The following CCDC150 variants were observed in gnomAD, a reference collection of about 807,000 sequenced individuals.
CCDC150 encodes coiled-coil domain-containing protein 150.
A neutral mutation model predicts 156.5 loss-of-function variants in CCDC150; 151 were observed. The ratio of observed to expected loss-of-function variants is 0.97; its 90% CI spans 0.85 to 1.10. The LOEUF is 1.10. CCDC150 is among the 50% of genes least tolerant of loss of function. The pLI is 0.00. For missense variants in CCDC150, 1,312 were observed against 1,268.1 expected, an observed-to-expected ratio of 1.03 and a Z score of -0.53; for synonymous variants, 452 against 429.4, an observed-to-expected ratio of 1.05 and a Z score of -0.65.
intron 19 of CCDC150, chr2:196,720,290 T>C (rs1234683616): frequency 5.3e-6 from 2 of 379,118 alleles, no homozygotes; most frequent in Non-Finnish European, 1.0e-5. Flanking sequence ...TTTTACATAG[T>C]ATGAAAGTAT....
intron 13 of CCDC150, among the ~76,000 whole-genome samples, chr2:196,683,689 T>C (rs1346639304): frequency 1.3e-5 from 2 of 152,082 alleles, no homozygotes; most frequent in South Asian, 2.1e-4. Flanking sequence ...TTATTATTTT[T>C]ATTCTTATAG....
intron 13 of CCDC150, among the ~76,000 whole-genome samples, chr2:196,689,318 C>A (rs979852379): frequency 6.6e-6 from 1 of 152,066 alleles, no homozygotes; most frequent in Non-Finnish European, 1.5e-5. Flanking sequence ...GGCATTGAAT[C>A]TGTAAATTAC....
chr2:196,677,383 G>C lies in CCDC150; in HGVS notation c.1509+22G>C, dbSNP rs1694576148. 4 of 1,418,480 alleles carry C rather than the reference G, an allele frequency of 2.8e-6. No homozygotes were observed. In the East Asian group the frequency reaches 7.4e-5, roughly 26 times the overall value. The allele number at this position is 1,418,480 out of a possible 1,614,324, so 87.9% of individuals were successfully genotyped here. On this transcript the variant is annotated intron_variant, in intron 13 of 27. Transcript: ENST00000389175. ...CAAGGTATTCTTCATTTTACTTACT[G>C]ATATTTCACTATATTTCCTTCTGTA... is the stretch of plus-strand genomic sequence containing the variant.
At chr2:196,648,995 A>G (rs1191437572) in intron 2 of CCDC150, among the ~76,000 whole-genome samples, 2 of 152,116 alleles carry the variant, frequency 1.3e-5, no homozygotes, top group Non-Finnish European at 2.9e-5. Flanking sequence ...TCATTGGACA[A>G]TGTGTCTTTT....
At chr2:196,674,461 A>C (rs1694377642) in intron 10 of CCDC150, 113 bp downstream of exon 10, 2 of 659,394 alleles carry the variant, frequency 3.0e-6, no homozygotes, top group East Asian at 5.5e-5. Flanking sequence ...CAAAAAATCT[A>C]CTGAATTATC....
At chr2:196,713,541 A>T (rs1320194324) in intron 17 of CCDC150, 1 of 1,550,518 alleles carries the variant, frequency 6.4e-7, no homozygotes, top group African/African-American at 1.4e-5. Flanking sequence ...ACATCTCAGG[A>T]TATTGGAGAC....
At chr2:196,692,121 A>ATTTTTTT (rs1161513452) in intron 13 of CCDC150, among the ~76,000 whole-genome samples, 2 of 62,022 alleles carry the variant, frequency 3.2e-5, no homozygotes, top group African/African-American at 1.4e-4. Context: ...TTGAGATCTA[A>ATTTTTTT]TTTTTTTTTT....
chr2:196,707,458 G>A (rs368388668), intron 15 of CCDC150, among the ~76,000 whole-genome samples: 23 of 151,666 alleles, frequency 1.5e-4, no homozygotes, highest in Non-Finnish European at 2.7e-4. Context: ...TCAAAAAACC[G>A]TCTCCTGGAT....
At chr2:196,682,783 C>A (rs1249997072) in intron 13 of CCDC150, among the ~76,000 whole-genome samples, 3 of 152,010 alleles carry the variant, frequency 2.0e-5, no homozygotes, top group Non-Finnish European at 4.4e-5. Flanking sequence ...AAGAACCTAT[C>A]AATGACAGTG....
rs1395041003 is a variant in CCDC150 at position 196,701,319 on chromosome 2, C to T, written c.1695+139C>T. 8 of 645,272 alleles carry T rather than the reference C, an allele frequency of 1.2e-5. No homozygotes were observed. In the Admixed American group the frequency reaches 2.3e-4, roughly 19 times the overall value. 40.0% of individuals were successfully genotyped at this position (645,272 alleles called of 1,614,324 possible). A position where few individuals can be genotyped will look rare whatever the true frequency, so the allele number is the denominator to read the frequency against. ...TCTCTGAACATCCTTAAGTTTGTGG[C>T]CTCATTAATAGCCAGGTGACTTCTG... On this transcript the variant is annotated intron_variant, in intron 15 of 27. Coordinates refer to ENST00000389175, the MANE Select transcript of CCDC150 (RefSeq NM_001080539.2).
intron 5 of CCDC150, among the ~76,000 whole-genome samples, chr2:196,665,336 A>G (rs1693779409): frequency 1.3e-5 from 2 of 152,164 alleles, no homozygotes; most frequent in Non-Finnish European, 2.9e-5. Context: ...TCCAGTTTAG[A>G]AAACAGACCT....
intron 14 of CCDC150, among the ~76,000 whole-genome samples, chr2:196,695,468 T>C (rs1451831420): frequency 6.6e-6 from 1 of 152,204 alleles, no homozygotes; most frequent in African/African-American, 2.4e-5. Context: ...GTTTCCTCCA[T>C]TAGGCAATCA....
chr2:196,676,872 G>T, intron 12 of CCDC150, 141 bp downstream of exon 12: 1 of 705,794 alleles, frequency 1.4e-6, no homozygotes. Context: ...TCTTTAGGTG[G>T]CTAACCTATG....
intron 2 of CCDC150, among the ~76,000 whole-genome samples, chr2:196,656,099 TA>T (rs1006444498): frequency 5.6e-4 from 86 of 152,240 alleles, no homozygotes; most frequent in African/African-American, 1.9e-3. Context: ...TGTAAGTGCT[TA>T]CACACCCATA....
At chr2:196,692,590 G>A (rs1695558353) in intron 13 of CCDC150, among the ~76,000 whole-genome samples, 3 of 152,204 alleles carry the variant, frequency 2.0e-5, no homozygotes, top group African/African-American at 7.2e-5. Flanking sequence ...TTACCCAGGA[G>A]TCATTCAGGA....
At position 196,709,813 on chromosome 2, in the gene CCDC150, G is replaced by C. The variant is rs1392263816; in HGVS notation, c.1696-2332G>C. ...TTGTTGGAGGTCCACTCCAGACCCT[G>C]TTTGCCTGGGTATCACCACCGGAGG... On this transcript the variant is annotated intron_variant, in intron 15 of 27. Coordinates refer to ENST00000389175, the MANE Select transcript of CCDC150 (RefSeq NM_001080539.2). Among the ~76,000 whole-genome samples the C allele has an allele frequency of 3.3e-5, 5 of 152,184 alleles. No individual in the cohort carries two copies. In the East Asian group the frequency reaches 9.6e-4, roughly 29 times the overall value.
intron 13 of CCDC150, among the ~76,000 whole-genome samples, chr2:196,685,885 A>C (rs1695098848): frequency 6.6e-6 from 1 of 152,070 alleles, no homozygotes; most frequent in African/African-American, 2.4e-5. Flanking sequence ...AAGTGCTGGG[A>C]TTATAGGTGT....
At chr2:196,642,807 A>G (rs1692313447) in intron 1 of CCDC150, among the ~76,000 whole-genome samples, 1 of 152,128 alleles carries the variant, frequency 6.6e-6, no homozygotes, top group Non-Finnish European at 1.5e-5. Flanking sequence ...TGGCACAATC[A>G]TAGCTCACTG....
rs367670032 is a variant in CCDC150 at position 196,729,260 on chromosome 2, G to A, written c.2624G>A (p.Arg875Gln). 6.8e-6 allele frequency: 11 copies of A among 1,613,514 alleles called. No homozygotes were observed. The highest frequency in any genetic ancestry group is 5.1e-6 in the Non-Finnish European group (6 of 1,179,842). The change falls in exon 23 of 28, where the codon CGA (arginine) becomes CAA (glutamine). Residue 875 changes from arginine (R) to glutamine (Q), a missense_variant. Transcript: ENST00000389175. The stretch of plus-strand genomic sequence containing the variant: ...GTGTCCCGGACCAACCGAGAGCTGC[G>A]ACAGAAACTTGCAGAGCTAGAAAAA... ...VEVSRTNREL[R>Q]QKLAELEKIL...
Sources: gnomAD v4.1 joint callset for allele counts (sites outside exome capture counted in the v4.1 genomes callset) on GRCh38, gnomAD v4.1.1 for gene constraint, MANE v1.5 for transcripts, NCBI Gene and HGNC (gene_info 2026-07-23, HGNC 2026-07-21) for gene names.